ATL2: variants seen among roughly 807,000 people sequenced by gnomAD.
ATL2 encodes atlastin GTPase 2, also known as atlastin-2.
ATL2 carries 31 observed loss-of-function variants against 73.9 expected under a neutral mutation model. The ratio of observed to expected loss-of-function variants is 0.42; its 90% CI spans 0.32 to 0.57. The LOEUF (loss-of-function observed/expected upper bound fraction) is 0.57. Ranked by LOEUF, ATL2 falls within the 20% of genes least tolerant of loss-of-function variation. The pLI, the probability that ATL2 is intolerant of heterozygous loss-of-function variation, is 0.14. For synonymous variants in ATL2, 291 were observed against 237.5 expected, an observed-to-expected ratio of 1.23 and a Z score of -2.07; for missense variants, 738 against 702.6, an observed-to-expected ratio of 1.05 and a Z score of -0.57.
rs145819319 is a variant in ATL2, at chr2:38,300,255, A to ACTCT, written c.1128+13_1128+16dup. On this transcript the variant is annotated intron_variant, in intron 10 of 12. Coordinates refer to ENST00000378954, the MANE Select transcript of ATL2 (RefSeq NM_001135673.4). ...AATAAGTATATGTACAACACATATC[A>ACTCT]CTCTCTCTCTCTCTACCTGAAGCAT... The ACTCT allele has an allele frequency of 2.0e-6, 3 of 1,512,182 alleles. No individual in the cohort carries two copies. Among genetic ancestry groups the ACTCT allele is most frequent in the East Asian group, 2.3e-5 (1 of 43,630 alleles). The allele number at this position is 1,512,182 out of a possible 1,614,324, so 93.7% of individuals were successfully genotyped here. A position where few individuals can be genotyped will look rare whatever the true frequency, so the allele number is the denominator to read the frequency against.
chr2:38,334,103 C>T (rs1669163534), intron 2 of ATL2, among the ~76,000 whole-genome samples: 1 of 147,964 alleles, frequency 6.8e-6, no homozygotes, highest in Non-Finnish European at 1.5e-5. Context: ...GGTCTCAGCT[C>T]ACTGCAACCT....
At chr2:38,314,474 T>C in intron 6 of ATL2, 134 bp downstream of exon 6, 2 of 595,114 alleles carry the variant, frequency 3.4e-6, no homozygotes, top group East Asian at 5.8e-5. Context: ...TACCAAAGGT[T>C]AGTTTCGATT....
At chr2:38,334,458 T>G (rs1011334014) in intron 2 of ATL2, among the ~76,000 whole-genome samples, 2 of 151,802 alleles carry the variant, frequency 1.3e-5, no homozygotes, top group Non-Finnish European at 2.9e-5. Context: ...TCCCAGCACT[T>G]TGGGAGGCTG....
At chr2:38,355,116 C>G (rs1670582319) in intron 1 of ATL2, among the ~76,000 whole-genome samples, 1 of 152,040 alleles carries the variant, frequency 6.6e-6, no homozygotes, top group African/African-American at 2.4e-5. Flanking sequence ...AAAAGCAAAA[C>G]TATATACTGT....
chr2:38,343,535 C>A, intron 1 of ATL2, 23 bp from the exon 2 acceptor site: 1 of 1,593,994 alleles, frequency 6.3e-7, no homozygotes, highest in Non-Finnish European at 8.5e-7. Flanking sequence ...AAGAAAGAAA[C>A]TGGTTACTTT....
chr2:38,351,457 A>C (rs1032712387), intron 1 of ATL2, among the ~76,000 whole-genome samples: 2 of 151,978 alleles, frequency 1.3e-5, no homozygotes, highest in African/African-American at 4.8e-5. Context: ...CCTAAAAAAC[A>C]CATTTACACT....
At chr2:38,332,457 C>T (rs980105661) in intron 2 of ATL2, among the ~76,000 whole-genome samples, 11 of 152,150 alleles carry the variant, frequency 7.2e-5, no homozygotes, top group Non-Finnish European at 1.3e-4. Context: ...CCTCCCACCT[C>T]GGCCTCCCAG....
chr2:38,310,292 A>G lies in ATL2; in HGVS notation c.943+17T>C. On this transcript the variant is annotated intron_variant, in intron 8 of 12. Transcript: ENST00000378954. Reference sequence around the variant, plus strand: ...TAATAAATAAGTTCAGATTTTAGCAAGAATGGGAATTCCCACCTTTCAATC... The same window carrying G: ...TAATAAATAAGTTCAGATTTTAGCAGGAATGGGAATTCCCACCTTTCAATC... The G allele has an allele frequency of 6.2e-7, 1 of 1,608,346 alleles. No homozygotes were observed. Among genetic ancestry groups the G allele is most frequent in the East Asian group, 2.2e-5 (1 of 44,804 alleles).
At chr2:38,364,003 C>G (rs1671159837) in intron 1 of ATL2, among the ~76,000 whole-genome samples, 1 of 152,206 alleles carries the variant, frequency 6.6e-6, no homozygotes, top group African/African-American at 2.4e-5. Context: ...GTGGCTCACG[C>G]CTGTAATCCC....
intron 12 of ATL2, 162 bp downstream of exon 12, chr2:38,297,982 A>G: frequency 1.4e-6 from 1 of 691,052 alleles, no homozygotes; most frequent in East Asian, 2.8e-5. Context: ...AACTTTAAAG[A>G]AAAAATCTTC....
chr2:38,320,736 C>T (rs1668274787), intron 2 of ATL2, among the ~76,000 whole-genome samples: 1 of 152,050 alleles, frequency 6.6e-6, no homozygotes. Flanking sequence ...GATATCTAGT[C>T]TAAAACAAAT....
chr2:38,336,927 C>A (rs78589027), intron 2 of ATL2, among the ~76,000 whole-genome samples: 3 of 152,102 alleles, frequency 2.0e-5, no homozygotes, highest in Non-Finnish European at 4.4e-5. Flanking sequence ...GCCAAAAGAG[C>A]GTCAAACTTG....
chr2:38,325,902 TGTTTAAAA>T (rs1668632846), intron 2 of ATL2, among the ~76,000 whole-genome samples: 1 of 52,816 alleles, frequency 1.9e-5, no homozygotes, highest in African/African-American at 1.1e-4. Flanking sequence ...TTTGTTTGTT[TGTTTAAAA>T]AAAAAAAAAA....
At chr2:38,370,211 T>C (rs754699878) in intron 1 of ATL2, among the ~76,000 whole-genome samples, 13 of 139,948 alleles carry the variant, frequency 9.3e-5, no homozygotes, top group Non-Finnish European at 1.8e-4. Context: ...ACACCTGTAA[T>C]CCCAGCACTT....
At chr2:38,352,133 CAAAAAAAAAAAAAAAAA>C (rs778821586) in intron 1 of ATL2, among the ~76,000 whole-genome samples, 6 of 32,000 alleles carry the variant, frequency 1.9e-4, no homozygotes, top group Non-Finnish European at 4.0e-4. Flanking sequence ...AAACAACAAC[CAAAAAAAAAAAAAAAAA>C]AAAAAAAAAA....
rs762929380 is a variant in ATL2, at chr2:38,296,185, T to C, written c.1633-72A>G. 354 of 1,459,140 alleles carry C rather than the reference T, an allele frequency of 2.4e-4. 1 individual carries two copies. The highest frequency in any genetic ancestry group is 3.1e-4 in the Admixed American group (12 of 38,112). The allele number at this position is 1,459,140 out of a possible 1,614,324, so 90.4% of individuals were successfully genotyped here. ...AAAGAGTTACATATAAAAATAGATA[T>C]AAAAATTCAATTCAAAGCAATGATG... On this transcript the variant is annotated intron_variant, in intron 12 of 12. Transcript: ENST00000378954.
At chr2:38,373,166 A>G (rs1042907882) in intron 1 of ATL2, among the ~76,000 whole-genome samples, 1 of 152,208 alleles carries the variant, frequency 6.6e-6, no homozygotes, top group Non-Finnish European at 1.5e-5. Flanking sequence ...GAAATCACTC[A>G]TTTGATTCCT....
At chr2:38,299,440 G>A in intron 10 of ATL2, 113 bp from the exon 11 acceptor site, 1 of 1,086,798 alleles carries the variant, frequency 9.2e-7, no homozygotes, top group Non-Finnish European at 1.2e-6. Context: ...ACCAGAGAAA[G>A]TAACTTCCAG....
chr2:38,367,926 C>A (rs1383533859), intron 1 of ATL2, among the ~76,000 whole-genome samples: 1 of 151,576 alleles, frequency 6.6e-6, no homozygotes, highest in African/African-American at 2.4e-5. Flanking sequence ...AACCACCACG[C>A]CCGGCCTAAA....
Sources: gnomAD v4.1 joint callset for allele counts (sites outside exome capture counted in the v4.1 genomes callset) on GRCh38, gnomAD v4.1.1 for gene constraint, MANE v1.5 for transcripts, NCBI Gene and HGNC (gene_info 2026-07-23, HGNC 2026-07-21) for gene names.